The following MUSK variants were observed in gnomAD, a reference collection of about 807,000 sequenced individuals.
MUSK encodes the protein muscle associated receptor tyrosine kinase.
A neutral mutation model predicts 88.7 loss-of-function variants in MUSK; 55 were observed. The ratio of observed to expected loss-of-function variants is 0.62; its 90% CI spans 0.50 to 0.78. The LOEUF (loss-of-function observed/expected upper bound fraction) is 0.78, where lower values mean the gene tolerates loss of function less well. Among genes scored for constraint, MUSK ranks in the 30% least tolerant of loss-of-function variants. The pLI, the probability that MUSK is intolerant of heterozygous loss-of-function variation, is 0.00. For missense variants in MUSK, 1,015 were observed against 1,074.3 expected (o/e 0.94, Z 0.77); for synonymous variants, 387 against 391.9 (o/e 0.99, Z 0.15).
rs1221358600 is a variant in MUSK at position 110,804,698 on chromosome 9, T to TTA, written c.*3713_*3714dup. Among the ~76,000 whole-genome samples, 4 of 151,850 alleles carry TTA rather than the reference T, an allele frequency of 2.6e-5. No homozygotes were observed. Among genetic ancestry groups the TTA allele is most frequent in the African/African-American group, 9.7e-5 (4 of 41,410 alleles). On this transcript the variant is annotated 3_prime_UTR_variant, in exon 15 of 15. Transcript: ENST00000374448. ...CTTAAAATAACATTTACTTATTTTC[T>TTA]TATAAAAGTAATATATTATGTTTGA...
chr9:110,695,633 G>GT (rs2131714781), intron 4 of MUSK, 103 bp downstream of exon 4: 1 of 930,290 alleles, frequency 1.1e-6, no homozygotes, highest in Non-Finnish European at 1.6e-6. Flanking sequence ...GTATAAAGTA[G>GT]TTTCCATGTA....
At position 110,762,329 on chromosome 9, in the gene MUSK, T is replaced by C. The variant is rs552155963; in HGVS notation, c.920+121T>C. On this transcript the variant is annotated intron_variant, in intron 8 of 14. Coordinates refer to ENST00000374448, the MANE Select transcript of MUSK (RefSeq NM_005592.4). ...AGGCTGGAGTGCGGTGGAGTATGTT[T>C]TGTTTTTGTTATTTGACATGCCATT... 1.3e-4 allele frequency: 84 copies of C among 633,408 alleles called. No individual in the cohort carries two copies. The African/African-American group carries it at 1.5e-3, about 11-fold the overall frequency. 39.2% of individuals were successfully genotyped at this position (633,408 alleles called of 1,614,324 possible).
At chr9:110,683,083 ATT>A (rs144515620) in intron 2 of MUSK, among the ~76,000 whole-genome samples, 2 of 151,190 alleles carry the variant, frequency 1.3e-5, no homozygotes, top group Non-Finnish European at 3.0e-5. Context: ...CATTCTTTCT[ATT>A]TTTTTTGCAC....
At chr9:110,743,114 G>A (rs1291812234) in intron 6 of MUSK, among the ~76,000 whole-genome samples, 3 of 152,184 alleles carry the variant, frequency 2.0e-5, no homozygotes, top group Non-Finnish European at 4.4e-5. Context: ...CTCACTACGA[G>A]TTAGTAAACT....
intron 5 of MUSK, among the ~76,000 whole-genome samples, chr9:110,698,141 A>C (rs77305778): frequency 0.06 from 9,133 of 152,264 alleles, 300 homozygotes; most frequent in East Asian, 0.089. Context: ...TTGCTTAAAA[A>C]GAACTATCAG....
chr9:110,732,096 CA>C (rs2076972295), intron 5 of MUSK, among the ~76,000 whole-genome samples: 1 of 151,990 alleles, frequency 6.6e-6, no homozygotes, highest in South Asian at 2.1e-4. Flanking sequence ...GTTTTTGATT[CA>C]AAAAGTTCAA....
chr9:110,690,894 A>G (rs2076346499), intron 3 of MUSK, among the ~76,000 whole-genome samples: 1 of 145,604 alleles, frequency 6.9e-6, no homozygotes, highest in Non-Finnish European at 1.5e-5. Context: ...ATTTTTTGAG[A>G]CGGAGTCTCG....
At chr9:110,713,371 T>C (rs922094193) in intron 5 of MUSK, among the ~76,000 whole-genome samples, 2 of 152,148 alleles carry the variant, frequency 1.3e-5, no homozygotes, top group Admixed American at 6.5e-5. Context: ...GCGATTCTTA[T>C]GCTTCAGCCT....
chr9:110,781,496 T>G (rs539176819), intron 11 of MUSK, among the ~76,000 whole-genome samples: 4 of 152,192 alleles, frequency 2.6e-5, no homozygotes, highest in Non-Finnish European at 4.4e-5. Flanking sequence ...CAGGATGGTC[T>G]CGATCTCCTG....
At chr9:110,747,851 A>G in intron 7 of MUSK, 51 bp downstream of exon 7, 1 of 1,576,368 alleles carries the variant, frequency 6.3e-7, no homozygotes, top group Non-Finnish European at 8.7e-7. Flanking sequence ...GAGAGTTGAT[A>G]CTATTCTACA....
chr9:110,683,083 A>AT (rs144515620), intron 2 of MUSK, among the ~76,000 whole-genome samples: 1 of 151,190 alleles, frequency 6.6e-6, no homozygotes, highest in African/African-American at 2.4e-5. Flanking sequence ...CATTCTTTCT[A>AT]TTTTTTTTGC....
chr9:110,799,055 A>G (rs949326069), intron 14 of MUSK, among the ~76,000 whole-genome samples: 2 of 152,196 alleles, frequency 1.3e-5, no homozygotes. Context: ...TTAACTAAAG[A>G]TTATCCAAAA....
intron 3 of MUSK, among the ~76,000 whole-genome samples, chr9:110,693,359 G>T (rs1045458269): frequency 6.6e-5 from 10 of 151,850 alleles, no homozygotes; most frequent in African/African-American, 2.4e-4. Flanking sequence ...TAAAATTTTG[G>T]AATGCTTCCA....
At chr9:110,677,036 A>G (rs528374683) in intron 1 of MUSK, among the ~76,000 whole-genome samples, 2 of 152,108 alleles carry the variant, frequency 1.3e-5, no homozygotes, top group South Asian at 4.2e-4. Flanking sequence ...TTCTCTTCCT[A>G]TCCGTGGTTA....
chr9:110,776,518 T>C (rs1483291620), intron 10 of MUSK, 114 bp from the exon 11 acceptor site: 2 of 833,204 alleles, frequency 2.4e-6, no homozygotes, highest in Non-Finnish European at 3.9e-6. Context: ...TGTTTTCCAG[T>C]TGTATATTAA....
At chr9:110,692,473 C>T (rs2076369657) in intron 3 of MUSK, among the ~76,000 whole-genome samples, 1 of 151,620 alleles carries the variant, frequency 6.6e-6, no homozygotes, top group African/African-American at 2.4e-5. Flanking sequence ...TGCACCCAGC[C>T]TAGGTGGGCC....
intron 6 of MUSK, among the ~76,000 whole-genome samples, chr9:110,738,548 T>C (rs1320003775): frequency 1.3e-5 from 2 of 152,186 alleles, no homozygotes; most frequent in East Asian, 3.8e-4. Context: ...AAGCATCCAA[T>C]GGCATTCACA....
chr9:110,674,757 T>A (rs757641468), intron 1 of MUSK, among the ~76,000 whole-genome samples: 39 of 151,994 alleles, frequency 2.6e-4, no homozygotes, highest in Non-Finnish European at 4.4e-4. Context: ...GATTACAAAG[T>A]GTGTGCCACC....
At chr9:110,718,163 T>C (rs1322400556) in intron 5 of MUSK, among the ~76,000 whole-genome samples, 2 of 152,074 alleles carry the variant, frequency 1.3e-5, no homozygotes, top group African/African-American at 4.8e-5. Context: ...TTTGTCCCCA[T>C]GTGGGTCTCT....
Sources: gnomAD v4.1 joint callset for allele counts (sites outside exome capture counted in the v4.1 genomes callset) on GRCh38, gnomAD v4.1.1 for gene constraint, MANE v1.5 for transcripts, NCBI Gene and HGNC (gene_info 2026-07-23, HGNC 2026-07-21) for gene names.